Variants in ARHGEF18 observed in about 807,000 individuals in gnomAD.
ARHGEF18 encodes the protein rho guanine nucleotide exchange factor 18.
Under a neutral mutation model 155.7 loss-of-function variants are expected in ARHGEF18, and 93 were observed. The ratio of observed to expected loss-of-function variants is 0.60; its 90% CI spans 0.50 to 0.71. The LOEUF (loss-of-function observed/expected upper bound fraction) is 0.71, where lower values mean the gene tolerates loss of function less well. ARHGEF18 is among the 30% of genes least tolerant of loss of function. ARHGEF18 has a pLI of 0.00. For synonymous variants in ARHGEF18, 742 were observed against 753.1 expected, an observed-to-expected ratio of 0.99 and a Z score of 0.24; for missense variants, 1,593 against 1,816.1, an observed-to-expected ratio of 0.88 and a Z score of 2.23.
intron 10 of ARHGEF18, among the ~76,000 whole-genome samples, chr19:7,386,104 T>C (rs1423327199): frequency 6.7e-6 from 1 of 149,016 alleles, no homozygotes; most frequent in Non-Finnish European, 1.5e-5. Flanking sequence ...ACTGCAGCCT[T>C]GAAATCCTCG....
intron 5 of ARHGEF18, 26 bp from the exon 6 acceptor site, chr19:7,378,368 T>C: frequency 8.1e-7 from 1 of 1,233,956 alleles, no homozygotes; most frequent in South Asian, 4.1e-5. Flanking sequence ...ACAACTGTGC[T>C]TCCTGGGATG....
chr19:7,452,423 C>T (rs910856399), intron 16 of ARHGEF18, among the ~76,000 whole-genome samples: 4 of 152,138 alleles, frequency 2.6e-5, no homozygotes, highest in South Asian at 4.1e-4. Flanking sequence ...AGAGCCAGAT[C>T]CCAGTCACAA....
chr19:7,394,474 G>C (rs1235024596), intron 10 of ARHGEF18, among the ~76,000 whole-genome samples: 1 of 151,906 alleles, frequency 6.6e-6, no homozygotes, highest in Admixed American at 6.6e-5. Context: ...GAGCCCGTAG[G>C]AGCCCACTGA....
At chr19:7,454,390 C>T (rs898458856) in intron 17 of ARHGEF18, among the ~76,000 whole-genome samples, 1 of 151,832 alleles carries the variant, frequency 6.6e-6, no homozygotes, top group Non-Finnish European at 1.5e-5. Context: ...GATCAGTGAG[C>T]ACCATCTTGG....
rs945134382 is a variant in ARHGEF18 at position 7,462,695 on chromosome 19, G to C, written c.2635+361G>C. Among the ~76,000 whole-genome samples, 1 of 151,946 alleles carries C rather than the reference G, an allele frequency of 6.6e-6. No individual in the cohort carries two copies. Among genetic ancestry groups the C allele is most frequent in the Non-Finnish European group, 1.5e-5 (1 of 68,014 alleles). On this transcript the variant is annotated intron_variant, in intron 21 of 28. Transcript: ENST00000668164. The surrounding 1 kb of genome is among the most constrained non-coding windows in gnomAD (Gnocchi z 4.4). ...GGTTCCTCTTCTTCCTGGGAGGTGG[G>C]TCCTGGTGATATCCCCAGAAAAACA... is the stretch of plus-strand genomic sequence containing the variant.
At chr19:7,357,123 TA>T (rs1715340316) in intron 1 of ARHGEF18, among the ~76,000 whole-genome samples, 3 of 152,246 alleles carry the variant, frequency 2.0e-5, no homozygotes, top group Admixed American at 6.5e-5. Context: ...ACACAGCAAG[TA>T]TATGCTGGAG....
At chr19:7,387,952 ACCG>A (rs1391773606) in intron 10 of ARHGEF18, among the ~76,000 whole-genome samples, 1 of 99,120 alleles carries the variant, frequency 1.0e-5, no homozygotes, top group African/African-American at 2.8e-5. Context: ...GGCATGAGCC[ACCG>A]TGTCTGGCTC....
In ARHGEF18 at chr19:7,470,714, C is replaced by T. The variant is rs938385399; in HGVS notation, c.*416C>T. The T allele has an allele frequency of 4.5e-5, 18 of 399,402 alleles. No individual in the cohort carries two copies. The highest frequency in any genetic ancestry group is 2.3e-4 in the African/African-American group (11 of 48,582). The allele number at this position is 399,402 out of a possible 1,614,324, so 24.7% of individuals were successfully genotyped here. On this transcript the variant is annotated 3_prime_UTR_variant, in exon 29 of 29. Transcript: ENST00000668164. This position sits in a 1 kb window ranked among gnomAD's most constrained non-coding sequence, Gnocchi z 5.9. The stretch of plus-strand genomic sequence containing the variant: ...AGACCTTGCTTTGAGAAGGAGCTGC[C>T]GGCCGGGGCCACGCTCCACAGCCGC...
chr19:7,431,510 C>CAAAAAA (rs34609858), intron 10 of ARHGEF18, among the ~76,000 whole-genome samples: 671 of 51,276 alleles, frequency 0.013, 43 homozygotes, highest in African/African-American at 0.052. Context: ...GACTCCATCT[C>CAAAAAA]AAAAAAAAAA....
At chr19:7,410,194 G>C (rs955618218) in intron 10 of ARHGEF18, among the ~76,000 whole-genome samples, 1 of 152,002 alleles carries the variant, frequency 6.6e-6, no homozygotes, top group Non-Finnish European at 1.5e-5. Context: ...AGGCAAACAG[G>C]GTTTTTTCTG....
In ARHGEF18 at chr19:7,470,363, C is replaced by G. The variant is rs12972299; in HGVS notation, c.*65C>G. 3 of 1,363,598 alleles carry G rather than the reference C, an allele frequency of 2.2e-6. No homozygotes were observed. The highest frequency in any genetic ancestry group is 2.9e-6 in the Non-Finnish European group (3 of 1,051,152). 84.5% of individuals were successfully genotyped at this position (1,363,598 alleles called of 1,614,324 possible). ...GCCCACCCTTCCTGCTCTCTGGGGA[C>G]CCCCATGGGGTCACCATGCCCACCC... On this transcript the variant is annotated 3_prime_UTR_variant, in exon 29 of 29. Transcript: ENST00000668164. This position sits in a 1 kb window ranked among gnomAD's most constrained non-coding sequence, Gnocchi z 5.9.
rs755511512 is a variant in ARHGEF18 at position 7,468,952 on chromosome 19, C to T, written c.3608C>T (p.Ala1203Val). The change falls in exon 27 of 29, where the codon GCC (alanine) becomes GTC (valine). Residue 1203 changes from alanine to valine, a missense_variant. Ala to Val is a moderately conservative substitution (Grantham distance 64). Transcript: ENST00000668164. ...ERPEVARRDS[A>V]PTENRLAKSD... ...CCCGAGGTGGCTCGCCGGGACAGCG[C>T]CCCCACCGAGAACCGGCTGGCCAAG... 9 of 1,581,454 alleles carry T rather than the reference C, an allele frequency of 5.7e-6. No individual in the cohort carries two copies. Among genetic ancestry groups the T allele is most frequent in the Non-Finnish European group, 7.7e-6 (9 of 1,165,258 alleles).
chr19:7,360,899 C>T (rs966432212), intron 1 of ARHGEF18, among the ~76,000 whole-genome samples: 5 of 152,124 alleles, frequency 3.3e-5, no homozygotes, highest in African/African-American at 7.2e-5. Flanking sequence ...CCAACCAGCC[C>T]GGGAGGGCAA....
At chr19:7,350,465 G>A (rs1969126736) in intron 1 of ARHGEF18, among the ~76,000 whole-genome samples, 1 of 152,174 alleles carries the variant, frequency 6.6e-6, no homozygotes, top group Non-Finnish European at 1.5e-5. Context: ...CTCTGGGAGG[G>A]CTGCTTGGTA....
At chr19:7,451,002 C>T in intron 15 of ARHGEF18, 147 bp from the exon 16 acceptor site, 1 of 754,040 alleles carries the variant, frequency 1.3e-6, no homozygotes, top group East Asian at 2.6e-5. Context: ...ATCTTGCTGT[C>T]CATTTCCGAG....
chr19:7,367,188 A>G (rs1969924130), intron 2 of ARHGEF18, among the ~76,000 whole-genome samples: 1 of 152,190 alleles, frequency 6.6e-6, no homozygotes, highest in African/African-American at 2.4e-5. Flanking sequence ...CATTTTAGAG[A>G]TGGAAAAAAC....
At chr19:7,409,883 C>T (rs995319553) in intron 10 of ARHGEF18, among the ~76,000 whole-genome samples, 98 of 150,936 alleles carry the variant, frequency 6.5e-4, no homozygotes, top group African/African-American at 2.3e-3. Context: ...AAGCGATTCT[C>T]CTGCCTCAGC....
At chr19:7,450,987 G>A (rs199777171) in intron 15 of ARHGEF18, among the ~76,000 whole-genome samples, 162 bp from the exon 16 acceptor site, 31 of 906 alleles carry the variant, frequency 0.034, no homozygotes, top group East Asian at 0.091. Flanking sequence ...AGATGTTAAT[G>A]CAGGATCTTG....
At chr19:7,449,913 A>G (rs1211846882) in intron 15 of ARHGEF18, among the ~76,000 whole-genome samples, 2 of 152,160 alleles carry the variant, frequency 1.3e-5, no homozygotes, top group East Asian at 1.9e-4. Context: ...CCTGGTCTCA[A>G]GCATTCCTTC....
Sources: gnomAD v4.1 joint callset for allele counts (sites outside exome capture counted in the v4.1 genomes callset) on GRCh38, gnomAD v4.1.1 for gene constraint, Gnocchi (gnomAD v3.1) non-coding constraint, MANE v1.5 for transcripts, NCBI Gene and HGNC (gene_info 2026-07-23, HGNC 2026-07-21) for gene names.